The following SOBP variants were observed in gnomAD, a reference collection of about 807,000 sequenced individuals.
SOBP encodes sine oculis-binding protein homolog.
In SOBP, 4 loss-of-function variants were observed where a neutral mutation model predicts 53.6. That is an observed-to-expected ratio of 0.07 (90% confidence interval 0.04 to 0.17). The LOEUF is 0.17. SOBP is among the 10% of genes least tolerant of loss of function. The probability of loss-of-function intolerance (pLI) is 1.00; values close to 1 mark genes in which losing one functional copy is unlikely to be tolerated. For synonymous variants in SOBP, 584 were observed against 522.6 expected (o/e 1.12, Z -1.60); for missense variants, 1,088 against 1,204.7 (o/e 0.90, Z 1.43).
chr6:107,622,034 A>T (rs1770202654), intron 5 of SOBP, among the ~76,000 whole-genome samples: 1 of 152,216 alleles, frequency 6.6e-6, no homozygotes, highest in African/African-American at 2.4e-5. Context: ...GGTAAGTAAG[A>T]GTAGAGTATA....
In SOBP at chr6:107,500,168, G is replaced by T. The variant is rs374422504; in HGVS notation, c.97-3489G>T. ...GCACTTTGGGAGGCCGAAGCAGGTG[G>T]ATCACTTAAGGTCAGGAGTTTGAGA... On this transcript the variant is annotated intron_variant, in intron 1 of 6. Transcript: ENST00000317357. Among the ~76,000 whole-genome samples the T allele has an allele frequency of 7.2e-5, 11 of 151,976 alleles. No individual in the cohort carries two copies. In the East Asian group the frequency reaches 2.1e-3, roughly 29 times the overall value.
chr6:107,644,739 G>A (rs1771483141), intron 6 of SOBP, among the ~76,000 whole-genome samples: 1 of 152,196 alleles, frequency 6.6e-6, no homozygotes, highest in African/African-American at 2.4e-5. Flanking sequence ...TGAGTTAAGT[G>A]TAAATGAGTC....
chr6:107,493,972 G>A (rs990751307), intron 1 of SOBP, among the ~76,000 whole-genome samples: 1 of 152,204 alleles, frequency 6.6e-6, no homozygotes, highest in Non-Finnish European at 1.5e-5. Flanking sequence ...ATAATTTTGT[G>A]TATGAAAAGT....
chr6:107,615,654 G>A (rs558449557), intron 5 of SOBP, among the ~76,000 whole-genome samples: 2 of 152,170 alleles, frequency 1.3e-5, no homozygotes, highest in African/African-American at 4.8e-5. Context: ...AAATCTGATT[G>A]TGAGAATCTG....
intron 5 of SOBP, among the ~76,000 whole-genome samples, chr6:107,598,172 C>T (rs1786016835): frequency 6.7e-6 from 1 of 149,110 alleles, no homozygotes; most frequent in Admixed American, 6.9e-5. Flanking sequence ...ACAAAGAGAA[C>T]TTTAAAAAAA....
At chr6:107,637,399 CT>C (rs1353525844) in intron 6 of SOBP, among the ~76,000 whole-genome samples, 2 of 152,244 alleles carry the variant, frequency 1.3e-5, no homozygotes, top group Non-Finnish European at 2.9e-5. Flanking sequence ...CCTCTGATGG[CT>C]TTGCCAGTAG....
At position 107,635,296 on chromosome 6, in the gene SOBP, C is replaced by A; in HGVS notation, c.2452C>A (p.Leu818Met). 3 of 1,613,884 alleles carry A rather than the reference C, an allele frequency of 1.9e-6. No individual in the cohort carries two copies. The highest frequency in any genetic ancestry group is 1.7e-6 in the Non-Finnish European group (2 of 1,179,994). The change falls in exon 6 of 7, where the codon CTG becomes ATG. Residue 818 changes from leucine (L) to methionine (M), a missense_variant. Leu to Met is a conservative substitution (Grantham distance 15). Around this residue, in one of 6 missense-constraint regions of SOBP, gnomAD observed 665 missense variants for 629.7 expected, o/e 1.06. Coordinates refer to ENST00000317357, the MANE Select transcript of SOBP (RefSeq NM_018013.4). The surrounding 1 kb of genome is among the most constrained non-coding windows in gnomAD (Gnocchi z 4.5). ...NPADEDHAYA[L>M]RMLPKTGCVI... ...CGCGGACGAGGACCATGCCTATGCT[C>A]TGCGGATGCTGCCCAAGACCGGCTG...
intron 1 of SOBP, among the ~76,000 whole-genome samples, chr6:107,491,205 A>G (rs1407651583): frequency 1.3e-5 from 2 of 152,154 alleles, no homozygotes; most frequent in African/African-American, 2.4e-5. Context: ...GACGGCGTGA[A>G]GAGCCCGTCA....
In SOBP at chr6:107,660,418, G is replaced by A. The variant is rs1447460008; in HGVS notation, c.*2215G>A. Among the ~76,000 whole-genome samples, 2 of 152,192 alleles carry A rather than the reference G, an allele frequency of 1.3e-5. No homozygotes were observed. The highest frequency in any genetic ancestry group is 4.8e-5 in the African/African-American group (2 of 41,446). ...ACTGACAGCACACAGTGCATGGGAA[G>A]TGAGTGTTTAGGCTGTAGACCCAGG... On this transcript the variant is annotated 3_prime_UTR_variant, in exon 7 of 7. Coordinates refer to ENST00000317357, the MANE Select transcript of SOBP (RefSeq NM_018013.4).
rs1198068937 is a variant in SOBP at position 107,560,589 on chromosome 6, A to G, written c.574-26491A>G. Among the ~76,000 whole-genome samples, 2 of 152,132 alleles carry G rather than the reference A, an allele frequency of 1.3e-5. 1 individual carries two copies. The highest frequency in any genetic ancestry group is 2.9e-5 in the Non-Finnish European group (2 of 68,030). On this transcript the variant is annotated intron_variant, in intron 4 of 6. Transcript: ENST00000317357. ...GATACTCACGGTTTCTCCCATTTTTAAAGTTTTCACTATATTAGATACTGG... is the reference window on the plus strand; with the variant it reads ...GATACTCACGGTTTCTCCCATTTTTGAAGTTTTCACTATATTAGATACTGG...
At chr6:107,575,049 G>T (rs1785186494) in intron 4 of SOBP, among the ~76,000 whole-genome samples, 1 of 152,156 alleles carries the variant, frequency 6.6e-6, no homozygotes, top group South Asian at 2.1e-4. Context: ...TGCTCCTGGG[G>T]CGCACGAGCA....
intron 5 of SOBP, among the ~76,000 whole-genome samples, chr6:107,631,038 G>T (rs999279792): frequency 2.6e-5 from 4 of 152,110 alleles, no homozygotes; most frequent in African/African-American, 9.7e-5. Context: ...TACTGAAAGT[G>T]AAGGAAGGGA....
intron 6 of SOBP, among the ~76,000 whole-genome samples, chr6:107,643,060 A>G (rs1771398636): frequency 6.6e-6 from 1 of 152,242 alleles, no homozygotes. Flanking sequence ...ACCTACAATA[A>G]CAAATTATCT....
intron 5 of SOBP, among the ~76,000 whole-genome samples, chr6:107,611,084 C>T (rs1355567191): frequency 1.3e-5 from 2 of 152,254 alleles, no homozygotes; most frequent in East Asian, 3.8e-4. Flanking sequence ...CAGCCAACCC[C>T]ATCAGCCTCC....
intron 6 of SOBP, among the ~76,000 whole-genome samples, chr6:107,648,405 T>G (rs1390136257): frequency 1.2e-5 from 1 of 84,362 alleles, no homozygotes; most frequent in Non-Finnish European, 3.6e-5. Context: ...AGGGACACAG[T>G]GACACCTGCT....
chr6:107,637,227 A>C (rs1233245965), intron 6 of SOBP, among the ~76,000 whole-genome samples: 1 of 152,184 alleles, frequency 6.6e-6, no homozygotes, highest in Non-Finnish European at 1.5e-5. Flanking sequence ...GGGAAATACA[A>C]ACGTGGAGCA....
chr6:107,639,186 A>T (rs1370336943), intron 6 of SOBP, among the ~76,000 whole-genome samples: 2 of 152,226 alleles, frequency 1.3e-5, no homozygotes, highest in African/African-American at 4.8e-5. Flanking sequence ...TACAGGTGTG[A>T]GCCGCCGCTC....
intron 5 of SOBP, among the ~76,000 whole-genome samples, chr6:107,593,875 A>G (rs1785848168): frequency 6.6e-6 from 1 of 152,204 alleles, no homozygotes; most frequent in African/African-American, 2.4e-5. Flanking sequence ...AATATTTTTA[A>G]TTTGGGTAAA....
chr6:107,520,810 T>C (rs1167327114), intron 3 of SOBP, among the ~76,000 whole-genome samples: 2 of 152,130 alleles, frequency 1.3e-5, no homozygotes, highest in Non-Finnish European at 2.9e-5. Flanking sequence ...TCCCAGTATG[T>C]TCTGGGGCTT....
Sources: allele counts gnomAD v4.1 joint callset (sites outside exome capture counted in the v4.1 genomes callset), GRCh38; gene constraint gnomAD v4.1.1; regional missense constraint gnomAD v4.1.1; non-coding constraint Gnocchi (gnomAD v3.1); transcripts MANE v1.5; gene names NCBI Gene and HGNC (gene_info 2026-07-23, HGNC 2026-07-21).